The following PTPRN2 variants were observed in gnomAD, a reference collection of about 807,000 sequenced individuals.
PTPRN2 encodes protein tyrosine phosphatase receptor type N2.
Under a neutral mutation model 118.8 loss-of-function variants are expected in PTPRN2, and 74 were observed. The ratio of observed to expected loss-of-function variants is 0.62; its 90% CI spans 0.52 to 0.76. The LOEUF (loss-of-function observed/expected upper bound fraction) is 0.76. PTPRN2 is among the 30% of genes least tolerant of loss of function. PTPRN2 has a pLI of 0.00. For synonymous variants in PTPRN2, 641 were observed against 608.0 expected (o/e 1.05, Z -0.80); for missense variants, 1,481 against 1,394.4 (o/e 1.06, Z -0.99).
chr7:158,113,379 G>A (rs1563452632), intron 9 of PTPRN2, among the ~76,000 whole-genome samples: 1 of 152,158 alleles, frequency 6.6e-6, no homozygotes, highest in African/African-American at 2.4e-5. Context: ...CTGTTAAGCT[G>A]GAAGACGTCT....
At position 157,962,302 on chromosome 7, in the gene PTPRN2, T is replaced by C. The variant is rs1043097556; in HGVS notation, c.1724-63565A>G. Among the ~76,000 whole-genome samples the C allele has an allele frequency of 3.3e-5, 5 of 152,128 alleles. No homozygotes were observed. In the South Asian group the frequency reaches 1.0e-3, roughly 31 times the overall value. ...CAGCAGGATGAGATCCGAATGTGAATGGCCACACTTCAGCAGGAGTGTTAT... is the reference window on the plus strand; with the variant it reads ...CAGCAGGATGAGATCCGAATGTGAACGGCCACACTTCAGCAGGAGTGTTAT... On this transcript the variant is annotated intron_variant, in intron 11 of 22. Coordinates refer to ENST00000389418, the MANE Select transcript of PTPRN2 (RefSeq NM_002847.5).
At chr7:158,495,693 A>G (rs1586800574) in intron 1 of PTPRN2, among the ~76,000 whole-genome samples, 1 of 152,186 alleles carries the variant, frequency 6.6e-6, no homozygotes. Context: ...ATAGAAAGCC[A>G]TTTCCACATT....
intron 2 of PTPRN2, among the ~76,000 whole-genome samples, chr7:158,456,980 T>C (rs887778508): frequency 6.6e-6 from 1 of 152,124 alleles, no homozygotes; most frequent in Admixed American, 6.5e-5. Flanking sequence ...CCAGCAACAT[T>C]AGTTAACAGC....
chr7:158,210,106 A>G (rs1388395448), intron 3 of PTPRN2, among the ~76,000 whole-genome samples: 1 of 145,996 alleles, frequency 6.8e-6, no homozygotes, highest in African/African-American at 2.5e-5. Flanking sequence ...AAAAGAGAAT[A>G]CCCTCAAACA....
chr7:157,567,177 G>A (rs1799528136), intron 21 of PTPRN2, among the ~76,000 whole-genome samples: 2 of 152,320 alleles, frequency 1.3e-5, no homozygotes, highest in South Asian at 2.1e-4. Context: ...ACAAGACACA[G>A]CAGCATTAAT....
intron 12 of PTPRN2, among the ~76,000 whole-genome samples, chr7:157,842,266 G>A (rs563656479): frequency 1.7e-4 from 26 of 152,144 alleles, no homozygotes; most frequent in South Asian, 6.2e-4. Context: ...ATTTCAGCGC[G>A]CTCCAATCAG....
chr7:158,357,156 T>A (rs1041893892), intron 2 of PTPRN2, among the ~76,000 whole-genome samples: 1 of 152,218 alleles, frequency 6.6e-6, no homozygotes, highest in Non-Finnish European at 1.5e-5. Context: ...GGACGAATGA[T>A]GTGAACACGG....
intron 22 of PTPRN2, among the ~76,000 whole-genome samples, chr7:157,542,863 G>A (rs1355260273): frequency 3.3e-5 from 5 of 152,224 alleles, no homozygotes; most frequent in Admixed American, 2.6e-4. Flanking sequence ...GGTGCTTCCC[G>A]GAGGGGTGCT....
rs1827602855 is a variant in PTPRN2 at position 158,565,252 on chromosome 7, A to G, written c.112+22306T>C. On this transcript the variant is annotated intron_variant, in intron 1 of 22. Coordinates refer to ENST00000389418, the MANE Select transcript of PTPRN2 (RefSeq NM_002847.5). This position sits in a 1 kb window ranked among gnomAD's most constrained non-coding sequence, Gnocchi z 4.6. ...TCTATACAGGCATATTTGTGGCTAC[A>G]TAAACATAGATTATCAGAATGGAAC... 6.6e-6 allele frequency among the ~76,000 whole-genome samples: 1 copy of G among 152,268 alleles called. No individual in the cohort carries two copies. The highest frequency in any genetic ancestry group is 2.4e-5 in the African/African-American group (1 of 41,466).
intron 1 of PTPRN2, among the ~76,000 whole-genome samples, chr7:158,534,558 C>G (rs908497234): frequency 5.9e-5 from 9 of 152,166 alleles, no homozygotes; most frequent in African/African-American, 2.2e-4. Context: ...GACTCTGCCC[C>G]AACTGCTGCC....
intron 10 of PTPRN2, among the ~76,000 whole-genome samples, chr7:158,092,458 T>C (rs530019204): frequency 6.6e-6 from 1 of 151,666 alleles, no homozygotes; most frequent in African/African-American, 2.4e-5. Flanking sequence ...GGATGAAAAA[T>C]TGATAGGTGG....
intron 2 of PTPRN2, among the ~76,000 whole-genome samples, chr7:158,334,040 G>A (rs372891203): frequency 1.8e-3 from 8 of 4,466 alleles, no homozygotes; most frequent in African/African-American, 2.4e-3. Context: ...TCACACTCTA[G>A]CCATAAGAGC....
intron 2 of PTPRN2, among the ~76,000 whole-genome samples, chr7:158,347,606 G>T (rs1388879645): frequency 1.3e-5 from 2 of 152,158 alleles, no homozygotes; most frequent in African/African-American, 4.8e-5. Context: ...GGTTCCATAT[G>T]AATTTTAGGA....
intron 1 of PTPRN2, among the ~76,000 whole-genome samples, chr7:158,501,442 G>A (rs932309990): frequency 7.2e-5 from 11 of 152,194 alleles, no homozygotes; most frequent in African/African-American, 2.7e-4. Context: ...AATCCTGAAC[G>A]GGAGAACAGC....
chr7:157,737,863 G>A (rs959383680), intron 12 of PTPRN2, among the ~76,000 whole-genome samples: 3 of 152,258 alleles, frequency 2.0e-5, no homozygotes, highest in Admixed American at 2.0e-4. Context: ...CCGATGCGGG[G>A]AGGACCTGGT....
At chr7:157,952,246 G>A (rs370884513) in intron 11 of PTPRN2, among the ~76,000 whole-genome samples, 4 of 152,132 alleles carry the variant, frequency 2.6e-5, no homozygotes, top group Middle Eastern at 3.2e-3. Context: ...GCCGAACCCC[G>A]CAGGACAACT....
intron 11 of PTPRN2, among the ~76,000 whole-genome samples, chr7:158,068,988 T>C (rs1265401736): frequency 6.6e-6 from 1 of 152,200 alleles, no homozygotes; most frequent in Non-Finnish European, 1.5e-5. Flanking sequence ...CCAGAGGATG[T>C]GATAACCCTG....
chr7:158,018,546 A>G (rs1381381160), intron 11 of PTPRN2, among the ~76,000 whole-genome samples: 1 of 152,186 alleles, frequency 6.6e-6, no homozygotes, highest in African/African-American at 2.4e-5. Context: ...AGGCCTCTAC[A>G]AGGAAAATCA....
chr7:157,792,273 G>A (rs28674128), intron 12 of PTPRN2, among the ~76,000 whole-genome samples: 18,992 of 152,292 alleles, frequency 0.12, 1,353 homozygotes, highest in African/African-American at 0.18. Flanking sequence ...CCAGGCGCCC[G>A]CAGCGGGGCA....
Sources: allele counts gnomAD v4.1 joint callset (sites outside exome capture counted in the v4.1 genomes callset), GRCh38; gene constraint gnomAD v4.1.1; non-coding constraint Gnocchi (gnomAD v3.1); transcripts MANE v1.5; gene names NCBI Gene and HGNC (gene_info 2026-07-23, HGNC 2026-07-21).